The following MEFV variants were observed in gnomAD, a reference collection of about 807,000 sequenced individuals.
The protein encoded by MEFV is MEFV innate immunity regulator, pyrin, also known as pyrin.
MEFV carries 60 observed loss-of-function variants against 62.5 expected under a neutral mutation model. That is an observed-to-expected ratio of 0.96 (90% CI 0.78 to 1.19). The LOEUF (loss-of-function observed/expected upper bound fraction) is 1.19. Among genes scored for constraint, MEFV ranks in the 50% most tolerant of loss-of-function variants. The probability of loss-of-function intolerance (pLI) is 0.00; values close to 1 mark genes in which losing one functional copy is unlikely to be tolerated. For synonymous variants in MEFV, 500 were observed against 415.2 expected, an observed-to-expected ratio of 1.20 and a Z score of -2.48; for missense variants, 1,169 against 1,004.5, an observed-to-expected ratio of 1.16 and a Z score of -2.21.
rs1958862065 is a variant in MEFV at position 3,242,121 on chromosome 16, GGGAGGC to G, written c.*1014_*1019del. 1 of 169,498 alleles carries G rather than the reference GGGAGGC, an allele frequency of 5.9e-6. No individual in the cohort carries two copies. Among genetic ancestry groups the G allele is most frequent in the Non-Finnish European group, 1.3e-5 (1 of 75,922 alleles). The allele number at this position is 169,498 out of a possible 1,614,324, so 10.5% of individuals were successfully genotyped here. On this transcript the variant is annotated 3_prime_UTR_variant, in exon 10 of 10. Transcript: ENST00000219596. Reference sequence around the variant, plus strand: ...CTCATGCCTGTAATCCCTGCACTTTGGGAGGCTGAGGTGGGTGCATCACCTGAGGTC... The same window carrying G: ...CTCATGCCTGTAATCCCTGCACTTTGTGAGGTGGGTGCATCACCTGAGGTC...
chr16:3,244,999 A>T (rs1395137922), intron 6 of MEFV, among the ~76,000 whole-genome samples: 1 of 152,194 alleles, frequency 6.6e-6, no homozygotes, highest in Non-Finnish European at 1.5e-5. Flanking sequence ...ACAACAGAAA[A>T]AAATAGACCA....
At chr16:3,247,504 G>C (rs1426605652) in intron 4 of MEFV, 1 of 533,490 alleles carries the variant, frequency 1.9e-6, no homozygotes, top group East Asian at 3.3e-5. Context: ...AAATTTACAC[G>C]TTGAAGCCCT....
At chr16:3,255,381 T>C (rs1047045361) in intron 1 of MEFV, among the ~76,000 whole-genome samples, 1 of 152,148 alleles carries the variant, frequency 6.6e-6, no homozygotes, top group Non-Finnish European at 1.5e-5. Flanking sequence ...AGTAAGAACA[T>C]GCTTGATGTT....
chr16:3,247,091 C>T lies in MEFV; in HGVS notation c.1512G>A (p.Gln504=), dbSNP rs1567233261. 1 of 1,614,190 alleles carries T rather than the reference C, an allele frequency of 6.2e-7. No individual in the cohort carries two copies. The highest frequency in any genetic ancestry group is 8.5e-7 in the Non-Finnish European group (1 of 1,180,024). ...IRKAYDTRVS[Q]DIALLDALIG... is the part of the protein sequence containing the mutation. ...TCAGCGCATCGAGCAGGGCGATGTCCTGGGATACGCGGGTGTCATATGCCT... is the reference window on the plus strand; with the variant it reads ...TCAGCGCATCGAGCAGGGCGATGTCTTGGGATACGCGGGTGTCATATGCCT... Residue 504 remains glutamine, a synonymous_variant, in exon 5 of 10, where the codon CAG becomes CAA. Transcript: ENST00000219596.
chr16:3,254,038 C>G, intron 2 of MEFV, 120 bp downstream of exon 2: 1 of 1,117,718 alleles, frequency 8.9e-7, no homozygotes, highest in Non-Finnish European at 1.3e-6. Flanking sequence ...AAAGTCTTGG[C>G]CTCCAGCAAT....
At chr16:3,254,133 T>C (rs1473629761) in intron 2 of MEFV, 25 bp downstream of exon 2, 2 of 1,612,486 alleles carry the variant, frequency 1.2e-6, no homozygotes, top group Admixed American at 3.3e-5. Flanking sequence ...GCAGCCGATA[T>C]AAAGTAGGAA....
At chr16:3,254,098 G>C in intron 2 of MEFV, 60 bp downstream of exon 2, 1 of 1,578,400 alleles carries the variant, frequency 6.3e-7, no homozygotes, top group Non-Finnish European at 8.6e-7. Context: ...ATGAGCTATC[G>C]TGCCCGGCCA....
rs746577275 is a variant in MEFV at position 3,248,943 on chromosome 16, C to T, written c.1322G>A (p.Arg441Gln). Residue 441 changes from arginine (R) to glutamine (Q), a missense_variant, in exon 4 of 10, where the codon CGA (arginine) becomes CAA (glutamine). Transcript: ENST00000219596. The stretch of plus-strand genomic sequence containing the variant: ...CACTGCCTTCTCCTCCCCATAGGAT[C>T]GCTGCTCCTCCCCTGATTTTCTCAG... ...KKLRKSGEEQ[R>Q]SYGEEKAVSF... The T allele has an allele frequency of 2.1e-5, 34 of 1,614,222 alleles. No individual in the cohort carries two copies. Among genetic ancestry groups the T allele is most frequent in the East Asian group, 4.5e-5 (2 of 44,894 alleles).
Position 3,256,371 on chromosome 16 carries a change from C to G in MEFV, c.217G>C (p.Val73Leu). 6.2e-7 allele frequency: 1 copy of G among 1,614,068 alleles called. No homozygotes were observed. Among genetic ancestry groups the G allele is most frequent in the East Asian group, 2.2e-5 (1 of 44,890 alleles). ...AGGCGCTGGTTGATGGCCCGCAGGA[C>G]CTGCAGGGTGAGCTGCACGGCGTAC... ...EEYAVQLTLQ[V>L]LRAINQRLLA... Residue 73 changes from valine (V) to leucine (L), a missense_variant, in exon 1 of 10, where the codon GTC (valine) becomes CTC (leucine). By Grantham distance (32) the Val-to-Leu change is conservative. Coordinates refer to ENST00000219596, the MANE Select transcript of MEFV (RefSeq NM_000243.3).
intron 1 of MEFV, among the ~76,000 whole-genome samples, chr16:3,255,864 G>A (rs1045365347): frequency 6.6e-6 from 1 of 152,064 alleles, no homozygotes; most frequent in Non-Finnish European, 1.5e-5. Context: ...CACTTTGGGA[G>A]GCTGAGGCGG....
chr16:3,249,538 G>A lies in MEFV; in HGVS notation c.1153C>T (p.Leu385Phe), dbSNP rs1442116768. 1 of 1,614,228 alleles carries A rather than the reference G, an allele frequency of 6.2e-7. No homozygotes were observed. Among genetic ancestry groups the A allele is most frequent in the East Asian group, 2.2e-5 (1 of 44,876 alleles). Residue 385 changes from leucine to phenylalanine, a missense_variant, in exon 3 of 10, where the codon CTC (leucine) becomes TTC (phenylalanine). Leu to Phe is a conservative substitution (Grantham distance 22, BLOSUM62 0). Coordinates refer to ENST00000219596, the MANE Select transcript of MEFV (RefSeq NM_000243.3). ...GGCTCATCGTGATCCTCACAGAAGA[G>A]CAGCTGGACCTGCTTCAGGTGGCGC... ...CKRHLKQVQL[L>F]FCEDHDEPIC...
intron 9 of MEFV, 30 bp from the exon 10 acceptor site, chr16:3,243,724 G>A: frequency 6.2e-7 from 1 of 1,612,272 alleles, no homozygotes; most frequent in Non-Finnish European, 8.5e-7. Context: ...ACCTAGGTAG[G>A]GGTCCATGGG....
rs776800797 is a variant in MEFV at position 3,254,565 on chromosome 16, C to A, written c.503G>T (p.Gly168Val). The change falls in exon 2 of 10, where the codon GGC (glycine) becomes GTC (valine). Residue 168 changes from glycine (G) to valine (V), a missense_variant. Transcript: ENST00000219596. ...CCGAGGCTTGCCCTGCGCGTCCAGG[C>A]CCTCCGAGGCCTTCTCTCTGCGTTT... ...LSKRREKASE[G>V]LDAQGKPRTR... 2 of 1,568,354 alleles carry A rather than the reference C, an allele frequency of 1.3e-6. No homozygotes were observed. Among genetic ancestry groups the A allele is most frequent in the African/African-American group, 1.4e-5 (1 of 73,976 alleles).
Position 3,254,478 on chromosome 16 carries a change from C to T in MEFV, c.590G>A (p.Gly197Asp), listed in dbSNP as rs906108610. The change falls in exon 2 of 10, where the codon GGC becomes GAC. Residue 197 changes from glycine (G) to aspartate (D), a missense_variant. Coordinates refer to ENST00000219596, the MANE Select transcript of MEFV (RefSeq NM_000243.3). ...TCTGCGCAGCCGGACCTCGGCCTGG[C>T]CCCCCTCTAGCGCCCTGCAGGGGCC... ...SPGPCRALEGGQAEVRLRRNA... is the reference protein window; with the variant it reads ...SPGPCRALEGDQAEVRLRRNA... 3 of 1,593,036 alleles carry T rather than the reference C, an allele frequency of 1.9e-6. No homozygotes were observed. The highest frequency in any genetic ancestry group is 1.7e-6 in the Non-Finnish European group (2 of 1,171,042).
rs876660991 is a variant in MEFV at position 3,254,629 on chromosome 16, G to A, written c.439C>T (p.Pro147Ser). 1.2e-6 allele frequency: 2 copies of A among 1,605,482 alleles called. No homozygotes were observed. Among genetic ancestry groups the A allele is most frequent in the Non-Finnish European group, 1.7e-6 (2 of 1,177,546 alleles). The change falls in exon 2 of 10, where the codon CCC becomes TCC. Residue 147 changes from proline (P) to serine (S), a missense_variant. Pro to Ser is a moderately conservative substitution (Grantham distance 74). Coordinates refer to ENST00000219596, the MANE Select transcript of MEFV (RefSeq NM_000243.3). The stretch of plus-strand genomic sequence containing the variant: ...CTCGACAGCCCCCTCCCGGCCTCGG[G>A]CTGGCTGCACCGCAGGCTGGCAGCT... ...GGAASLRCSQ[P>S]EAGRGLSRKP...
chr16:3,246,544 T>C lies in MEFV; in HGVS notation c.1591A>G (p.Ile531Val), dbSNP rs1958945379. The C allele has an allele frequency of 6.2e-7, 1 of 1,614,110 alleles. No individual in the cohort carries two copies. Among genetic ancestry groups the C allele is most frequent in the African/African-American group, 1.3e-5 (1 of 75,026 alleles). The change falls in exon 6 of 10, where the codon ATT (isoleucine) becomes GTT (valine). Residue 531 changes from isoleucine to valine, a missense_variant. By Grantham distance (29) the Ile-to-Val change is conservative (BLOSUM62 3). Coordinates refer to ENST00000219596, the MANE Select transcript of MEFV (RefSeq NM_000243.3). ...CTGTACCTGTGCAAGATGTCTCCAATGTCCTAGGAGAAAAAAGAAGGAAAC... is the reference window on the plus strand; with the variant it reads ...CTGTACCTGTGCAAGATGTCTCCAACGTCCTAGGAGAAAAAAGAAGGAAAC... ...CQSEWELLQD[I>V]GDILHRAKTV... is the part of the protein sequence containing the mutation.
Position 3,254,627 on chromosome 16 carries a change from G to C in MEFV, c.441C>G (p.Pro147=). Residue 147 remains proline, a synonymous_variant, in exon 2 of 10, where the codon CCC becomes CCG. Coordinates refer to ENST00000219596, the MANE Select transcript of MEFV (RefSeq NM_000243.3). The stretch of plus-strand genomic sequence containing the variant: ...TCCTCGACAGCCCCCTCCCGGCCTC[G>C]GGCTGGCTGCACCGCAGGCTGGCAG... ...GGAASLRCSQ[P]EAGRGLSRKP... 1.2e-6 allele frequency: 2 copies of C among 1,605,246 alleles called. No homozygotes were observed. The highest frequency in any genetic ancestry group is 8.5e-7 in the Non-Finnish European group (1 of 1,177,490).
chr16:3,254,032 T>C, intron 2 of MEFV, 126 bp downstream of exon 2: 3 of 1,047,674 alleles, frequency 2.9e-6, no homozygotes, highest in South Asian at 1.3e-5. Flanking sequence ...GGTCTCAAAG[T>C]CTTGGCCTCC....
At chr16:3,256,248 C>A (rs981529726) in intron 1 of MEFV, 63 bp downstream of exon 1, 29 of 1,575,618 alleles carry the variant, frequency 1.8e-5, no homozygotes, top group Non-Finnish European at 2.4e-5. Context: ...AGCTCCTGGT[C>A]CCCTTTCCCA....
Sources: allele counts gnomAD v4.1 joint callset (sites outside exome capture counted in the v4.1 genomes callset), GRCh38; gene constraint gnomAD v4.1.1; transcripts MANE v1.5; gene names NCBI Gene and HGNC (gene_info 2026-07-23, HGNC 2026-07-21).